Variants in NCLN observed in about 807,000 individuals in gnomAD.
The protein encoded by NCLN is BOS complex subunit NCLN.
NCLN carries 34 observed loss-of-function variants against 69.5 expected under a neutral mutation model. The ratio of observed to expected loss-of-function variants is 0.49; its 90% CI spans 0.37 to 0.65. The LOEUF is 0.65. Ranked by LOEUF, NCLN falls within the 30% of genes least tolerant of loss-of-function variation. The pLI, the probability that NCLN is intolerant of heterozygous loss-of-function variation, is 0.00. For missense variants in NCLN, 710 were observed against 804.8 expected, an observed-to-expected ratio of 0.88 and a Z score of 1.42; for synonymous variants, 393 against 358.3, an observed-to-expected ratio of 1.10 and a Z score of -1.09.
chr19:3,193,022 G>A (rs932734711), intron 2 of NCLN, among the ~76,000 whole-genome samples: 2 of 141,770 alleles, frequency 1.4e-5, no homozygotes, highest in East Asian at 2.1e-4. Flanking sequence ...TCCAGCAGAC[G>A]CCCTGGGTGA....
intron 12 of NCLN, 25 bp from the exon 13 acceptor site, chr19:3,207,173 C>T: frequency 6.2e-7 from 1 of 1,613,278 alleles, no homozygotes. Flanking sequence ...CAGTGGTGCC[C>T]CCTGAGAAAG....
chr19:3,204,663 C>A lies in NCLN; in HGVS notation c.1120C>A (p.Arg374Ser). The A allele has an allele frequency of 6.2e-7, 1 of 1,609,598 alleles. No individual in the cohort carries two copies. Among genetic ancestry groups the A allele is most frequent in the Non-Finnish European group, 8.5e-7 (1 of 1,178,296 alleles). The change falls in exon 9 of 15, where the codon CGC becomes AGC. Residue 374 changes from arginine to serine, a missense_variant. By Grantham distance (110) the Arg-to-Ser change is moderately radical. Coordinates refer to ENST00000246117, the MANE Select transcript of NCLN (RefSeq NM_020170.4). ...GGACGTGCTGGCCTGGGAGCACGAG[C>A]GCTTCGCCATCCGCCGACTGCCCGC... ...AEDVLAWEHE[R>S]FAIRRLPAFT...
intron 5 of NCLN, 76 bp downstream of exon 5, chr19:3,198,973 G>A (rs1176337729): frequency 3.4e-5 from 37 of 1,087,288 alleles, no homozygotes; most frequent in Non-Finnish European, 3.4e-5. Flanking sequence ...GAGGCAAAGC[G>A]CCTGTAGGGG....
At chr19:3,199,741 C>G (rs1257868684) in intron 5 of NCLN, among the ~76,000 whole-genome samples, 1 of 137,952 alleles carries the variant, frequency 7.2e-6, no homozygotes, top group African/African-American at 2.8e-5. Context: ...TGCTCTGTCC[C>G]CCAGGCTGGA....
intron 4 of NCLN, 63 bp downstream of exon 4, chr19:3,196,340 T>A: frequency 7.8e-7 from 1 of 1,275,656 alleles, no homozygotes; most frequent in Non-Finnish European, 1.1e-6. Context: ...TCCGCCTGGC[T>A]CCCCGGCTCG....
chr19:3,201,537 C>G lies in NCLN; in HGVS notation c.711C>G (p.Gly237=), dbSNP rs368717040. The G allele has an allele frequency of 7.1e-6, 11 of 1,558,976 alleles. No individual in the cohort carries two copies. The highest frequency in any genetic ancestry group is 8.6e-6 in the Non-Finnish European group (10 of 1,158,728). Reference sequence around the variant, plus strand: ...CGTCCCTGTAGTGGCTGTCGCTGGGCGCGGACTCCAACGGGAGCGGCGTCT... The same window carrying G: ...CGTCCCTGTAGTGGCTGTCGCTGGGGGCGGACTCCAACGGGAGCGGCGTCT... ...AFGVAPWLSL[G]ADSNGSGVSV... Residue 237 remains glycine (G), a synonymous_variant, in exon 6 of 15, where the codon GGC becomes GGG. Transcript: ENST00000246117.
In NCLN at chr19:3,196,247, C is replaced by T. The variant is rs1345287790; in HGVS notation, c.585C>T (p.Ala195=). The T allele has an allele frequency of 1.2e-5, 18 of 1,552,960 alleles. No individual in the cohort carries two copies. The highest frequency in any genetic ancestry group is 5.9e-5 in the South Asian group (5 of 84,314). ...TCACCAGCGGGGTACAGAGCAAGGC[C>T]GTGAGTGACTGGCTGATTGCCAGCG... ...QMVTSGVQSK[A]VSDWLIASVE... Residue 195 remains alanine, a synonymous_variant, in exon 4 of 15, where the codon GCC becomes GCT. Coordinates refer to ENST00000246117, the MANE Select transcript of NCLN (RefSeq NM_020170.4).
rs1305014552 is a variant in NCLN, at chr19:3,185,948, C to G, written c.-83C>G. 9.1e-7 allele frequency: 1 copy of G among 1,100,344 alleles called. No individual in the cohort carries two copies. Among genetic ancestry groups the G allele is most frequent in the Non-Finnish European group, 1.2e-6 (1 of 857,518 alleles). The allele number at this position is 1,100,344 out of a possible 1,614,324, so 68.2% of individuals were successfully genotyped here. A position where few individuals can be genotyped will look rare whatever the true frequency, so the allele number is the denominator to read the frequency against. On this transcript the variant is annotated 5_prime_UTR_variant, in exon 1 of 15. Transcript: ENST00000246117. ...CGCCCGCAGGACCCCGGCGGCTACCCATGCCGAGGTGAGTCCGCGGGAGCC... is the reference window on the plus strand; with the variant it reads ...CGCCCGCAGGACCCCGGCGGCTACCGATGCCGAGGTGAGTCCGCGGGAGCC...
At chr19:3,201,368 A>G (rs1320057004) in intron 5 of NCLN, among the ~76,000 whole-genome samples, 155 bp from the exon 6 acceptor site, 2 of 152,156 alleles carry the variant, frequency 1.3e-5, no homozygotes. Flanking sequence ...GGGGGACAGC[A>G]CAGAGATGAC....
In NCLN at chr19:3,187,764, C is replaced by T. The variant is rs1422480719; in HGVS notation, c.184+1550C>T. On this transcript the variant is annotated intron_variant, in intron 1 of 14. Coordinates refer to ENST00000246117, the MANE Select transcript of NCLN (RefSeq NM_020170.4). ...TAATGTCCACAGTGTCCAGGGGAAG[C>T]GCCCTGGGGCCACAGTGGTGGTGTA... Among the ~76,000 whole-genome samples the T allele has an allele frequency of 3.9e-5, 6 of 152,280 alleles. No individual in the cohort carries two copies. In the East Asian group the frequency reaches 5.8e-4, roughly 15 times the overall value.
Position 3,186,466 on chromosome 19 carries a change from G to A in NCLN, c.184+252G>A, listed in dbSNP as rs188629515. 3.7e-3 allele frequency among the ~76,000 whole-genome samples: 570 copies of A among 152,244 alleles called. 3 individuals carry two copies. Among genetic ancestry groups the A allele is most frequent in the Non-Finnish European group, 6.0e-3 (407 of 68,000 alleles). On this transcript the variant is annotated intron_variant, in intron 1 of 14. Transcript: ENST00000246117. ...CCCCTGCCTAGGTCTCCCTGCCCCG[G>A]AACCCATGGCCGGGCCAAGCGTCCC...
chr19:3,191,986 T>G (rs546209222), intron 1 of NCLN, among the ~76,000 whole-genome samples: 1 of 152,164 alleles, frequency 6.6e-6, no homozygotes, highest in East Asian at 1.9e-4. Context: ...GTCGGGAGTT[T>G]GAGACCAGCC....
rs755247046 is a variant in NCLN, at chr19:3,207,947, T to C, written c.*259T>C. The C allele has an allele frequency of 4.0e-6, 2 of 497,516 alleles. No homozygotes were observed. The highest frequency in any genetic ancestry group is 7.2e-6 in the Non-Finnish European group (2 of 276,148). The allele number at this position is 497,516 out of a possible 1,614,324, so 30.8% of individuals were successfully genotyped here. ...ACGTCCCGGGGCCAGGCTACGGACTTGCGGACGAGCCCCCCAGTCCTGGGA... is the reference window on the plus strand; with the variant it reads ...ACGTCCCGGGGCCAGGCTACGGACTCGCGGACGAGCCCCCCAGTCCTGGGA... On this transcript the variant is annotated 3_prime_UTR_variant, in exon 15 of 15. Transcript: ENST00000246117.
intron 1 of NCLN, among the ~76,000 whole-genome samples, chr19:3,191,276 GGCA>G (rs1915817908): frequency 6.6e-6 from 1 of 152,166 alleles, no homozygotes; most frequent in South Asian, 2.1e-4. Flanking sequence ...GGAAGCAAAA[GGCA>G]GCGGCGAAAC....
chr19:3,205,740 AG>A lies in NCLN; in HGVS notation c.1209-195del. ...CTGCGCACAGGGACGGGTCAGGGCA[AG>A]GGGCCTGGAGGTGTGGGGCCCCCAG... On this transcript the variant is annotated intron_variant, in intron 9 of 14. Coordinates refer to ENST00000246117, the MANE Select transcript of NCLN (RefSeq NM_020170.4). The surrounding 1 kb of genome is among the most constrained non-coding windows in gnomAD (Gnocchi z 4.6). 1.7e-6 allele frequency: 1 copy of A among 590,038 alleles called. No homozygotes were observed. The highest frequency in any genetic ancestry group is 3.0e-6 in the Non-Finnish European group (1 of 332,998). The allele number at this position is 590,038 out of a possible 1,614,324, so 36.6% of individuals were successfully genotyped here.
At chr19:3,187,685 G>T (rs1568308408) in intron 1 of NCLN, among the ~76,000 whole-genome samples, 1 of 152,224 alleles carries the variant, frequency 6.6e-6, no homozygotes, top group Non-Finnish European at 1.5e-5. Flanking sequence ...CAGGGACGCT[G>T]CTCAATTCCC....
At position 3,205,366 on chromosome 19, in the gene NCLN, G is replaced by T. The variant is rs1176282758; in HGVS notation, c.1209-573G>T. The stretch of plus-strand genomic sequence containing the variant: ...CCTTCCCGTTCATCCACTCTGCTCT[G>T]CGGTCACTGGGCCCTCAGGAGTGGT... On this transcript the variant is annotated intron_variant, in intron 9 of 14. Transcript: ENST00000246117. The surrounding 1 kb of genome is among the most constrained non-coding windows in gnomAD (Gnocchi z 4.6). Among the ~76,000 whole-genome samples the T allele has an allele frequency of 6.6e-6, 1 of 152,214 alleles. No individual in the cohort carries two copies. The highest frequency in any genetic ancestry group is 2.4e-5 in the African/African-American group (1 of 41,446).
Position 3,199,716 on chromosome 19 carries a change from T to TTTA in NCLN, c.696+819_696+820insTTA, listed in dbSNP as rs1415321946. Among the ~76,000 whole-genome samples the TTTA allele has an allele frequency of 4.4e-5, 4 of 91,342 alleles. 1 individual carries two copies. In the South Asian group the frequency reaches 1.5e-3, roughly 33 times the overall value. The allele number at this position is 91,342 out of a possible 152,430, so 59.9% of individuals were successfully genotyped here. On this transcript the variant is annotated intron_variant, in intron 5 of 14. Transcript: ENST00000246117. ...TTTTTTTTTTTTTTTTTTTTTTTTTTAATTGAGACAGTCTTGCTCTGTCCC... is the reference window on the plus strand; with the variant it reads ...TTTTTTTTTTTTTTTTTTTTTTTTTTTTAAATTGAGACAGTCTTGCTCTGTCCC...
At position 3,205,660 on chromosome 19, in the gene NCLN, G is replaced by C. The variant is rs533577039; in HGVS notation, c.1209-279G>C. 6.6e-6 allele frequency among the ~76,000 whole-genome samples: 1 copy of C among 152,330 alleles called. No homozygotes were observed. Among genetic ancestry groups the C allele is most frequent in the African/African-American group, 2.4e-5 (1 of 41,572 alleles). ...GACGGAATAGTCCAGTTTAAATTCT[G>C]GAAGAGCAGAAAACCGAGTCAGAAG... On this transcript the variant is annotated intron_variant, in intron 9 of 14. Coordinates refer to ENST00000246117, the MANE Select transcript of NCLN (RefSeq NM_020170.4). This position sits in a 1 kb window ranked among gnomAD's most constrained non-coding sequence, Gnocchi z 4.6.
Sources: gnomAD v4.1 joint callset for allele counts (sites outside exome capture counted in the v4.1 genomes callset) on GRCh38, gnomAD v4.1.1 for gene constraint, Gnocchi (gnomAD v3.1) non-coding constraint, MANE v1.5 for transcripts, NCBI Gene and HGNC (gene_info 2026-07-23, HGNC 2026-07-21) for gene names.